AKT2: variants seen among roughly 807,000 people sequenced by gnomAD.
AKT2 encodes the protein AKT serine/threonine kinase 2, also known as RAC-beta serine/threonine-protein kinase.
Under a neutral mutation model 58.6 loss-of-function variants are expected in AKT2, and 16 were observed. The observed-to-expected ratio is 0.27, with a 90% CI of 0.18 to 0.41. The LOEUF (loss-of-function observed/expected upper bound fraction) is 0.41, where lower values mean the gene tolerates loss of function less well. AKT2 is among the 10% of genes least tolerant of loss of function. The pLI, the probability that AKT2 is intolerant of heterozygous loss-of-function variation, is 1.00. For missense variants in AKT2, 438 were observed against 661.0 expected (o/e 0.66, Z 3.70); for synonymous variants, 253 against 254.0 (o/e 1.00, Z 0.04).
intron 1 of AKT2, among the ~76,000 whole-genome samples, chr19:40,284,425 G>C (rs971713710): frequency 6.6e-6 from 1 of 152,162 alleles, no homozygotes; most frequent in Admixed American, 6.5e-5. Flanking sequence ...ATGGAATCCA[G>C]AGCAGCACCT....
intron 1 of AKT2, among the ~76,000 whole-genome samples, chr19:40,267,723 A>T (rs1321517798): frequency 6.6e-6 from 1 of 152,126 alleles, no homozygotes; most frequent in Admixed American, 6.6e-5. Context: ...TCATGACACC[A>T]ATCTTTTTTG....
chr19:40,257,937 C>T (rs1975656626), intron 2 of AKT2, among the ~76,000 whole-genome samples: 1 of 152,148 alleles, frequency 6.6e-6, no homozygotes, highest in African/African-American at 2.4e-5. Context: ...ATGCCCAGAA[C>T]AGGCAAATCT....
rs181050305 is a variant in AKT2, at chr19:40,254,816, A to G, written c.287+342T>C. Among the ~76,000 whole-genome samples the G allele has an allele frequency of 2.3e-4, 35 of 152,058 alleles. No homozygotes were observed. The East Asian group carries it at 6.8e-3, about 29-fold the overall frequency. On this transcript the variant is annotated intron_variant, in intron 4 of 13. Coordinates refer to ENST00000392038, the MANE Select transcript of AKT2 (RefSeq NM_001626.6). The stretch of plus-strand genomic sequence containing the variant: ...ATGCCACTGCATTCCAACTTGGGCA[A>G]TAAGAGCGAAACTCCATTTCAGAAA...
chr19:40,282,740 G>A (rs1568580146), intron 1 of AKT2: 1 of 325,138 alleles, frequency 3.1e-6, no homozygotes, highest in East Asian at 1.1e-4. Context: ...AAGATGCGGT[G>A]GAAGGCAATT....
intron 6 of AKT2, among the ~76,000 whole-genome samples, chr19:40,240,590 G>A (rs1974338931): frequency 6.6e-6 from 1 of 152,180 alleles, no homozygotes; most frequent in Non-Finnish European, 1.5e-5. Context: ...CAGAAACTCG[G>A]GGTGGGCCCA....
At chr19:40,239,182 A>G (rs1568524714) in intron 7 of AKT2, 2 of 558,720 alleles carry the variant, frequency 3.6e-6, no homozygotes, top group South Asian at 2.3e-5. Flanking sequence ...AAAGGGTTAC[A>G]TGCTGAACCA....
chr19:40,236,521 C>T, intron 9 of AKT2, 136 bp from the exon 10 acceptor site: 1 of 1,193,196 alleles, frequency 8.4e-7, no homozygotes, highest in African/African-American at 1.5e-5. Context: ...GCACACACAG[C>T]CTCACCCTCT....
intron 1 of AKT2, chr19:40,284,924 G>A (rs1568582538): frequency 9.7e-6 from 3 of 309,594 alleles, no homozygotes; most frequent in East Asian, 5.1e-5. Context: ...GCACGCTGCG[G>A]CCTGCGCTCC....
chr19:40,249,880 C>T (rs771738946), intron 4 of AKT2, among the ~76,000 whole-genome samples: 1 of 152,140 alleles, frequency 6.6e-6, no homozygotes, highest in African/African-American at 2.4e-5. Flanking sequence ...GGCAAGACAG[C>T]GAAGGGAGGC....
rs1042176909 is a variant in AKT2, at chr19:40,258,647, C to G, written c.47-1593G>C. ...GTCCAGCCCAGTGACAGAGCAAGAC[C>G]CTAGCTCTTAAAAAAAAAAAAAAAA... On this transcript the variant is annotated intron_variant, in intron 2 of 13. Coordinates refer to ENST00000392038, the MANE Select transcript of AKT2 (RefSeq NM_001626.6). Among the ~76,000 whole-genome samples, 4 of 149,840 alleles carry G rather than the reference C, an allele frequency of 2.7e-5. No individual in the cohort carries two copies. In the East Asian group the frequency reaches 5.8e-4, roughly 22 times the overall value.
intron 6 of AKT2, chr19:40,240,317 T>C: frequency 1.3e-6 from 1 of 749,874 alleles, no homozygotes; most frequent in Non-Finnish European, 2.5e-6. Flanking sequence ...AAGCCACAGG[T>C]GAAAAGTCAG....
chr19:40,255,387 A>C (rs1568548079), intron 3 of AKT2, 118 bp from the exon 4 acceptor site: 7 of 750,260 alleles, frequency 9.3e-6, no homozygotes, highest in Non-Finnish European at 1.2e-5. Flanking sequence ...TGCTGGGGAC[A>C]CTCTAGGGAC....
intron 1 of AKT2, chr19:40,275,348 C>A (rs1413060397): frequency 2.2e-6 from 1 of 456,062 alleles, no homozygotes; most frequent in South Asian, 1.5e-5. Context: ...GCCACCACCT[C>A]CCTGGGAGCT....
At position 40,241,626 on chromosome 19, in the gene AKT2, G is replaced by A. The variant is rs75428690; in HGVS notation, c.573+312C>T. On this transcript the variant is annotated intron_variant, in intron 6 of 13. Transcript: ENST00000392038. ...ACCTGGGATACCCTGAGCAAAGCCC[G>A]GGACTCCCCAACAGCGACGTCCTCC... 8.9e-3 allele frequency: 3,769 copies of A among 425,774 alleles called. 122 individuals carry two copies. Among genetic ancestry groups the A allele is most frequent in the African/African-American group, 0.069 (3,415 of 49,694 alleles). 26.4% of individuals were successfully genotyped at this position (425,774 alleles called of 1,614,324 possible).
chr19:40,243,954 G>C (rs1974572147), intron 4 of AKT2: 1 of 151,710 alleles, frequency 6.6e-6, no homozygotes, highest in Non-Finnish European at 1.5e-5. Flanking sequence ...TGAGGCAAGA[G>C]GATCATTTGA....
At chr19:40,247,588 G>A (rs937335118) in intron 4 of AKT2, among the ~76,000 whole-genome samples, 6 of 152,246 alleles carry the variant, frequency 3.9e-5, no homozygotes, top group Non-Finnish European at 7.4e-5. Context: ...CCCAGCCAGG[G>A]AGCCCACGGG....
chr19:40,241,887 C>T, intron 6 of AKT2, 51 bp downstream of exon 6: 2 of 1,612,664 alleles, frequency 1.2e-6, no homozygotes, highest in Non-Finnish European at 1.7e-6. Context: ...GGTCAGGCTC[C>T]AGACCGCAGC....
At chr19:40,258,981 A>G (rs560384663) in intron 2 of AKT2, among the ~76,000 whole-genome samples, 20 of 152,204 alleles carry the variant, frequency 1.3e-4, no homozygotes, top group Non-Finnish European at 2.6e-4. Context: ...AATAAAGTTA[A>G]ATACTTTCCA....
chr19:40,278,766 C>G (rs1417263962), intron 1 of AKT2, among the ~76,000 whole-genome samples: 1 of 151,960 alleles, frequency 6.6e-6, no homozygotes, highest in African/African-American at 2.4e-5. Flanking sequence ...CCTGTGCTTT[C>G]CAACGCAGCA....
Sources: gnomAD v4.1 joint callset for allele counts (sites outside exome capture counted in the v4.1 genomes callset) on GRCh38, gnomAD v4.1.1 for gene constraint, MANE v1.5 for transcripts, NCBI Gene and HGNC (gene_info 2026-07-23, HGNC 2026-07-21) for gene names.